The following TAF1A variants were observed in gnomAD, a reference collection of about 807,000 sequenced individuals.
TAF1A encodes TATA-box binding protein associated factor, RNA polymerase I subunit A.
In TAF1A, 42 loss-of-function variants were observed where a neutral mutation model predicts 61.6. That is an observed-to-expected ratio of 0.68 (90% CI 0.53 to 0.88). TAF1A has a LOEUF of 0.88. Ranked by LOEUF, TAF1A falls within the 40% of genes least tolerant of loss-of-function variation. The pLI, the probability that TAF1A is intolerant of heterozygous loss-of-function variation, is 0.00. For missense variants in TAF1A, 424 were observed against 518.7 expected (o/e 0.82, Z 1.77); for synonymous variants, 179 against 177.7 (o/e 1.01, Z -0.06).
chr1:222,557,829 G>A (rs1315684609), downstream of TAF1A: 3 of 151,850 alleles, frequency 2.0e-5, no homozygotes, highest in East Asian at 1.9e-4. Flanking sequence ...TCTCTAGCAG[G>A]AGGTTATTTT....
chr1:222,565,172 A>T (rs182707664), intron 7 of TAF1A, among the ~76,000 whole-genome samples: 7 of 152,324 alleles, frequency 4.6e-5, no homozygotes, highest in East Asian at 1.9e-4. Flanking sequence ...CAGTGTTTTT[A>T]AAAAATTAGT....
At chr1:222,584,371 T>C in intron 2 of TAF1A, 74 bp from the exon 3 acceptor site, 1 of 1,421,374 alleles carries the variant, frequency 7.0e-7, no homozygotes, top group African/African-American at 1.4e-5. Context: ...TTACTTCTGA[T>C]AAGAAGTTTT....
intron 7 of TAF1A, among the ~76,000 whole-genome samples, chr1:222,564,995 G>A (rs1660061678): frequency 6.6e-6 from 1 of 151,990 alleles, no homozygotes; most frequent in Non-Finnish European, 1.5e-5. Flanking sequence ...TTTTTCTATT[G>A]AAATATAACA....
intron 5 of TAF1A, 24 bp downstream of exon 5, chr1:222,577,421 A>T: frequency 1.9e-6 from 3 of 1,604,716 alleles, no homozygotes; most frequent in Non-Finnish European, 2.6e-6. Flanking sequence ...CATCATAAGA[A>T]AAAGTTTACC....
intron 2 of TAF1A, among the ~76,000 whole-genome samples, chr1:222,588,214 C>T (rs1558157015): frequency 6.6e-6 from 1 of 152,104 alleles, no homozygotes; most frequent in Non-Finnish European, 1.5e-5. Flanking sequence ...TAAAAGTGCT[C>T]AGTAAGTATT....
intron 2 of TAF1A, among the ~76,000 whole-genome samples, chr1:222,585,540 T>C (rs1474463824): frequency 6.6e-6 from 1 of 151,650 alleles, no homozygotes. Flanking sequence ...CTAGACCTCC[T>C]GGGTTCAAGT....
downstream of TAF1A, among the ~76,000 whole-genome samples, chr1:222,556,935 C>G (rs1485561349): frequency 1.3e-5 from 2 of 152,340 alleles, no homozygotes; most frequent in South Asian, 2.1e-4. Context: ...GAATTATGGA[C>G]TCCCTATTTA....
chr1:222,572,563 G>T (rs1660401556), intron 5 of TAF1A, among the ~76,000 whole-genome samples: 2 of 152,026 alleles, frequency 1.3e-5, no homozygotes, highest in African/African-American at 4.8e-5. Flanking sequence ...TCACCATGTT[G>T]CCCAGGTTGG....
In TAF1A at chr1:222,582,739, C is replaced by T. The variant is rs1396416717; in HGVS notation, c.291+1389G>A. On this transcript the variant is annotated intron_variant, in intron 3 of 10. Coordinates refer to ENST00000352967, the MANE Select transcript of TAF1A (RefSeq NM_005681.4). ...ATGGACAAATAAAACATGGTATTTC[C>T]ATATGACAGATTATTTGGCAATAAA... Among the ~76,000 whole-genome samples the T allele has an allele frequency of 3.9e-5, 6 of 152,114 alleles. No individual in the cohort carries two copies. The East Asian group carries it at 7.7e-4, about 19-fold the overall frequency.
chr1:222,589,173 AATC>A (rs1661149596), intron 1 of TAF1A, among the ~76,000 whole-genome samples: 1 of 152,120 alleles, frequency 6.6e-6, no homozygotes, highest in South Asian at 2.1e-4. Flanking sequence ...AACCTAGAAA[AATC>A]ATCATAAGCC....
intron 5 of TAF1A, 94 bp from the exon 6 acceptor site, chr1:222,570,759 G>C: frequency 1.1e-5 from 13 of 1,190,280 alleles, no homozygotes; most frequent in Non-Finnish European, 1.5e-5. Context: ...GAAAAACTCA[G>C]TTGCTGATAG....
Position 222,588,481 on chromosome 1 carries a change from A to T in TAF1A, c.83T>A (p.Met28Lys). 1 of 1,613,972 alleles carries T rather than the reference A, an allele frequency of 6.2e-7. No individual in the cohort carries two copies. The highest frequency in any genetic ancestry group is 8.5e-7 in the Non-Finnish European group (1 of 1,179,970). ...VETSVLSGAGMHFPWLQTYVE... is the reference protein window; with the variant it reads ...VETSVLSGAGKHFPWLQTYVE... ...GTATGTTTGAAGCCAAGGAAAATGC[A>T]TTCCTGCACCACTGAGCACAGATGT... The change falls in exon 2 of 11, where the codon ATG (methionine) becomes AAG (lysine). Residue 28 changes from methionine to lysine, a missense_variant. By Grantham distance (95) the Met-to-Lys change is moderately conservative. Coordinates refer to ENST00000352967, the MANE Select transcript of TAF1A (RefSeq NM_005681.4).
intron 5 of TAF1A, among the ~76,000 whole-genome samples, chr1:222,576,774 C>T (rs1336244544): frequency 6.6e-6 from 1 of 152,190 alleles, no homozygotes; most frequent in Non-Finnish European, 1.5e-5. Context: ...TCTAGGCACA[C>T]AGGAAGAAAT....
intron 7 of TAF1A, among the ~76,000 whole-genome samples, chr1:222,567,003 C>T (rs1660143569): frequency 6.6e-6 from 1 of 152,172 alleles, no homozygotes; most frequent in Admixed American, 6.5e-5. Context: ...GTACACTAAT[C>T]TTTAGAGCAG....
At chr1:222,563,134 T>A in intron 9 of TAF1A, 39 bp downstream of exon 9, 1 of 1,510,922 alleles carries the variant, frequency 6.6e-7, no homozygotes, top group Non-Finnish European at 9.0e-7. Flanking sequence ...GGAAATATTA[T>A]TTATGATGAC....
chr1:222,567,464 A>G (rs1406088889), intron 7 of TAF1A, among the ~76,000 whole-genome samples: 1 of 152,218 alleles, frequency 6.6e-6, no homozygotes. Flanking sequence ...TTATTTTTGT[A>G]TATATTTTCC....
rs532582211 is a variant in TAF1A at position 222,588,547 on chromosome 1, T to C, written c.17A>G (p.Glu6Gly). ...ATCTGTCACAGGCCCTTTTAATTCT[T>C]CACTGAAATCACTCATACCTATTAC... MSDFS[E>G]ELKGPVTDDE... is the part of the protein sequence containing the mutation. Residue 6 changes from glutamate (E) to glycine (G), a missense_variant, in exon 2 of 11, where the codon GAA becomes GGA. Transcript: ENST00000352967. The C allele has an allele frequency of 1.2e-6, 2 of 1,613,936 alleles. No individual in the cohort carries two copies. The highest frequency in any genetic ancestry group is 4.5e-5 in the East Asian group (2 of 44,854).
At chr1:222,574,148 T>C (rs1187234351) in intron 5 of TAF1A, among the ~76,000 whole-genome samples, 1 of 152,162 alleles carries the variant, frequency 6.6e-6, no homozygotes, top group Non-Finnish European at 1.5e-5. Context: ...GGTTTCTTTT[T>C]AGGGTCATGA....
In TAF1A at chr1:222,569,492, G is replaced by A. The variant is rs371888812; in HGVS notation, c.894+18C>T. Reference sequence around the variant, plus strand: ...AGATTCCCAACCCTGGTCAAACATCGAGATAAAAATTCTATACCTTAAGCA... The same window carrying A: ...AGATTCCCAACCCTGGTCAAACATCAAGATAAAAATTCTATACCTTAAGCA... On this transcript the variant is annotated intron_variant, in intron 7 of 10. Coordinates refer to ENST00000352967, the MANE Select transcript of TAF1A (RefSeq NM_005681.4). The A allele has an allele frequency of 3.7e-6, 6 of 1,613,312 alleles. No individual in the cohort carries two copies. The highest frequency in any genetic ancestry group is 1.7e-5 in the Admixed American group (1 of 59,882).
Sources: gnomAD v4.1 joint callset for allele counts (sites outside exome capture counted in the v4.1 genomes callset) on GRCh38, gnomAD v4.1.1 for gene constraint, MANE v1.5 for transcripts, NCBI Gene and HGNC (gene_info 2026-07-23, HGNC 2026-07-21) for gene names.